Variants in MYLK observed in about 807,000 individuals in gnomAD.
MYLK encodes the protein myosin light chain kinase.
In MYLK, 106 loss-of-function variants were observed where a neutral mutation model predicts 203.4. The observed-to-expected ratio is 0.52, with a 90% CI of 0.45 to 0.61. The LOEUF is 0.61. Ranked by LOEUF, MYLK falls within the 20% of genes least tolerant of loss-of-function variation. The pLI is 0.00. For synonymous variants in MYLK, 867 were observed against 959.5 expected (o/e 0.90, Z 1.78); for missense variants, 2,072 against 2,442.3 (o/e 0.85, Z 3.20).
In MYLK at chr3:123,700,743, T is replaced by C; in HGVS notation, c.2725A>G (p.Thr909Ala). The C allele has an allele frequency of 6.2e-7, 1 of 1,614,066 alleles. No homozygotes were observed. The highest frequency in any genetic ancestry group is 1.1e-5 in the South Asian group (1 of 91,062). The change falls in exon 18 of 34, where the codon ACC becomes GCC. Residue 909 changes from threonine to alanine, a missense_variant. Coordinates refer to ENST00000360304, the MANE Select transcript of MYLK (RefSeq NM_053025.4). ...DLLGKKVSTK[T>A]LSEDDLKEIP... ...TCCTTCAGGTCGTCTTCCGATAGGG[T>C]CTTTGTACTCACCTTCTTCCCCAGG...
At chr3:123,674,937 G>A (rs568324814) in intron 20 of MYLK, among the ~76,000 whole-genome samples, 1 of 152,368 alleles carries the variant, frequency 6.6e-6, no homozygotes, top group Non-Finnish European at 1.5e-5. Flanking sequence ...GCAAGCTTCT[G>A]GGGACAAGGA....
intron 14 of MYLK, chr3:123,709,132 TA>T: frequency 9.3e-6 from 3 of 322,628 alleles, no homozygotes; most frequent in Admixed American, 4.5e-5. Context: ...AGTTCTCACA[TA>T]ATTTTTTTTT....
At chr3:123,696,943 T>C (rs1275785280) in intron 18 of MYLK, among the ~76,000 whole-genome samples, 1 of 152,258 alleles carries the variant, frequency 6.6e-6, no homozygotes, top group Non-Finnish European at 1.5e-5. Context: ...ACGCCTCTGC[T>C]GCTGCGGGGC....
rs1241226476 is a variant in MYLK, at chr3:123,692,253, T to C, written c.3565+482A>G. 2.9e-6 allele frequency: 3 copies of C among 1,042,988 alleles called. No homozygotes were observed. The East Asian group carries it at 2.1e-4, about 72-fold the overall frequency. The allele number at this position is 1,042,988 out of a possible 1,614,324, so 64.6% of individuals were successfully genotyped here. ...TGTTTTGGCAGAGGCTGCCCTGTCC[T>C]CTCTGTCCAGAGACTCAGCCCCGAC... On this transcript the variant is annotated intron_variant, in intron 19 of 33. Coordinates refer to ENST00000360304, the MANE Select transcript of MYLK (RefSeq NM_053025.4).
At position 123,739,898 on chromosome 3, in the gene MYLK, A is replaced by T. The variant is rs898926479; in HGVS notation, c.422+55T>A. ...CTTACTCCCCAGACCTATCCTGCTCAAGTCAGCAGGAAAGCAATCCAACCC... is the reference window on the plus strand; with the variant it reads ...CTTACTCCCCAGACCTATCCTGCTCTAGTCAGCAGGAAAGCAATCCAACCC... On this transcript the variant is annotated intron_variant, in intron 6 of 33. Coordinates refer to ENST00000360304, the MANE Select transcript of MYLK (RefSeq NM_053025.4). The T allele has an allele frequency of 6.3e-6, 10 of 1,592,868 alleles. No homozygotes were observed. In the Admixed American group the frequency reaches 1.0e-4, roughly 16 times the overall value.
chr3:123,654,713 C>CTTT (rs1201129769), intron 24 of MYLK, among the ~76,000 whole-genome samples: 103 of 125,258 alleles, frequency 8.2e-4, no homozygotes, highest in African/African-American at 1.0e-3. Flanking sequence ...TTCTTTAATT[C>CTTT]TTTTTTTTTT....
At chr3:123,732,602 G>A (rs1318259224) in intron 11 of MYLK, among the ~76,000 whole-genome samples, 4 of 152,122 alleles carry the variant, frequency 2.6e-5, no homozygotes, top group East Asian at 1.9e-4. Flanking sequence ...GGTTACAAAC[G>A]TGAGTCACGG....
intron 5 of MYLK, among the ~76,000 whole-genome samples, chr3:123,741,750 A>C (rs140886324): frequency 2.6e-5 from 4 of 152,366 alleles, no homozygotes; most frequent in African/African-American, 9.6e-5. Context: ...CATAAATGTC[A>C]CTCAGTAGGA....
chr3:123,696,959 C>T (rs2060954870), intron 18 of MYLK, among the ~76,000 whole-genome samples: 2 of 152,358 alleles, frequency 1.3e-5, no homozygotes, highest in South Asian at 2.1e-4. Context: ...GGGGCCCCCG[C>T]CTGGAAGCCC....
chr3:123,842,930 C>T (rs2066628866), intron 2 of MYLK, among the ~76,000 whole-genome samples: 1 of 152,242 alleles, frequency 6.6e-6, no homozygotes. Context: ...ATTTGGCTAG[C>T]TCCCAATGTG....
At chr3:123,798,608 G>T (rs2065074237) in intron 3 of MYLK, among the ~76,000 whole-genome samples, 1 of 152,148 alleles carries the variant, frequency 6.6e-6, no homozygotes, top group Non-Finnish European at 1.5e-5. Flanking sequence ...GATCTCAACA[G>T]CACATTAGAC....
chr3:123,809,518 C>A lies in MYLK; in HGVS notation c.-3-15674G>T, dbSNP rs561322287. Among the ~76,000 whole-genome samples the A allele has an allele frequency of 3.9e-5, 6 of 152,244 alleles. No homozygotes were observed. The East Asian group carries it at 1.2e-3, about 29-fold the overall frequency. Reference sequence around the variant, plus strand: ...TCCAGCCTGGGCAACAAGAGTGAAACTTCGTCTAAAAAACAAAAACAAACA... The same window carrying A: ...TCCAGCCTGGGCAACAAGAGTGAAAATTCGTCTAAAAAACAAAAACAAACA... On this transcript the variant is annotated intron_variant, in intron 3 of 33. Transcript: ENST00000360304.
At position 123,700,392 on chromosome 3, in the gene MYLK, C is replaced by A. The variant is rs778578954; in HGVS notation, c.3076G>T (p.Val1026Leu). Reference protein sequence around the residue: ...NAQPSGPLKPVGNAKPAETLK... With the variant: ...NAQPSGPLKPLGNAKPAETLK... Reference sequence around the variant, plus strand: ...GTCTCAGCAGGCTTGGCGTTGCCCACGGGTTTCAAGGGCCCTGAAGGCTGT... The same window carrying A: ...GTCTCAGCAGGCTTGGCGTTGCCCAAGGGTTTCAAGGGCCCTGAAGGCTGT... Residue 1026 changes from valine (V) to leucine (L), a missense_variant, in exon 18 of 34, where the codon GTG (valine) becomes TTG (leucine). This residue lies in a region of MYLK where 865 missense variants were observed against 1,016.0 expected (regional missense o/e 0.85). Transcript: ENST00000360304. The A allele has an allele frequency of 1.1e-5, 18 of 1,613,778 alleles. No individual in the cohort carries two copies. The South Asian group carries it at 1.6e-4, about 15-fold the overall frequency.
intron 2 of MYLK, among the ~76,000 whole-genome samples, chr3:123,860,525 A>G (rs1254435133): frequency 6.6e-6 from 1 of 152,216 alleles, no homozygotes; most frequent in East Asian, 1.9e-4. Context: ...AGATTTCCCA[A>G]TAAAAGGCAA....
chr3:123,780,805 A>C (rs754390099), intron 4 of MYLK, among the ~76,000 whole-genome samples: 1 of 152,216 alleles, frequency 6.6e-6, no homozygotes, highest in Non-Finnish European at 1.5e-5. Flanking sequence ...CGGGCCGGGC[A>C]CTGTCCTAGG....
intron 19 of MYLK, among the ~76,000 whole-genome samples, chr3:123,690,949 A>T (rs2060636019): frequency 6.6e-6 from 1 of 152,202 alleles, no homozygotes; most frequent in Non-Finnish European, 1.5e-5. Flanking sequence ...AAGTTGCAGA[A>T]TGAATTCCCC....
At chr3:123,776,097 T>G (rs2064067028) in intron 4 of MYLK, among the ~76,000 whole-genome samples, 1 of 152,162 alleles carries the variant, frequency 6.6e-6, no homozygotes, top group Non-Finnish European at 1.5e-5. Context: ...GACCGCTTGG[T>G]ACCTGCAGGC....
chr3:123,772,150 A>G (rs1475367404), intron 4 of MYLK, among the ~76,000 whole-genome samples: 1 of 152,194 alleles, frequency 6.6e-6, no homozygotes, highest in Non-Finnish European at 1.5e-5. Flanking sequence ...TCTAAACAAC[A>G]TACGAGAAGT....
At chr3:123,804,354 G>A (rs1024660717) in intron 3 of MYLK, among the ~76,000 whole-genome samples, 1 of 152,160 alleles carries the variant, frequency 6.6e-6, no homozygotes, top group Non-Finnish European at 1.5e-5. Flanking sequence ...AGGAGACCCA[G>A]AAAGGAGAGG....
Sources: gnomAD v4.1 joint callset for allele counts (sites outside exome capture counted in the v4.1 genomes callset) on GRCh38, gnomAD v4.1.1 for gene constraint, gnomAD v4.1.1 regional missense constraint, MANE v1.5 for transcripts, NCBI Gene and HGNC (gene_info 2026-07-23, HGNC 2026-07-21) for gene names.